Variants in ADGB observed in about 807,000 individuals in gnomAD.
ADGB encodes androglobin, also known as calpain-7-like protein.
In ADGB, 172 loss-of-function variants were observed where a neutral mutation model predicts 210.5. The ratio of observed to expected loss-of-function variants is 0.82; its 90% CI spans 0.72 to 0.93. ADGB has a LOEUF of 0.93. ADGB is among the 40% of genes least tolerant of loss of function. ADGB has a pLI of 0.00. For missense variants in ADGB, 2,025 were observed against 1,964.8 expected, an observed-to-expected ratio of 1.03 and a Z score of -0.58; for synonymous variants, 658 against 662.7, an observed-to-expected ratio of 0.99 and a Z score of 0.11.
intron 13 of ADGB, among the ~76,000 whole-genome samples, chr6:146,709,880 C>G (rs901454667): frequency 2.0e-5 from 3 of 152,082 alleles, no homozygotes; most frequent in African/African-American, 4.8e-5. Context: ...GTTGCTATAA[C>G]CTTTCACCAA....
At chr6:146,740,173 C>T (rs1777143198) in intron 23 of ADGB, among the ~76,000 whole-genome samples, 1 of 152,106 alleles carries the variant, frequency 6.6e-6, no homozygotes, top group African/African-American at 2.4e-5. Flanking sequence ...TTCTGGTTTT[C>T]CCCCTGTAAA....
At chr6:146,810,548 A>G (rs771349882) in intron 35 of ADGB, among the ~76,000 whole-genome samples, 3 of 151,756 alleles carry the variant, frequency 2.0e-5, no homozygotes, top group Non-Finnish European at 4.4e-5. Context: ...GAAACAGCCT[A>G]AGTGTCCATC....
At position 146,788,407 on chromosome 6, in the gene ADGB, G is replaced by A. The variant is rs370500146; in HGVS notation, c.4334G>A (p.Gly1445Asp). The change falls in exon 33 of 36, where the codon GGC becomes GAC. Residue 1445 changes from glycine to aspartate, a missense_variant. By Grantham distance (94) the Gly-to-Asp change is moderately conservative. Transcript: ENST00000397944. Reference protein sequence around the residue: ...PKEEVETAARGVKEPNSKNSA... With the variant: ...PKEEVETAARDVKEPNSKNSA... ...GTTGTAGTAGAAACAGCTGCACGTG[G>A]CGTAAAAGAACCAAACTCAAAGAAT... 13 of 1,551,528 alleles carry A rather than the reference G, an allele frequency of 8.4e-6. No individual in the cohort carries two copies. In the Admixed American group the frequency reaches 2.2e-4, roughly 26 times the overall value.
chr6:146,696,902 T>G (rs539871483), intron 12 of ADGB, among the ~76,000 whole-genome samples: 2 of 152,174 alleles, frequency 1.3e-5, no homozygotes, highest in South Asian at 2.1e-4. Context: ...CTGTCTGTCT[T>G]TACAGATTTG....
chr6:146,767,661 A>C (rs1777596576), intron 28 of ADGB, among the ~76,000 whole-genome samples: 1 of 150,642 alleles, frequency 6.6e-6, no homozygotes, highest in Admixed American at 6.6e-5. Flanking sequence ...TAGTAGACAA[A>C]GGGGTTCTCT....
At chr6:146,809,285 A>C (rs1778264252) in intron 35 of ADGB, among the ~76,000 whole-genome samples, 2 of 152,170 alleles carry the variant, frequency 1.3e-5, no homozygotes. Flanking sequence ...GGCTCAATGC[A>C]AACCTCCGCC....
chr6:146,668,292 A>G (rs1241032986), intron 7 of ADGB, among the ~76,000 whole-genome samples: 1 of 152,072 alleles, frequency 6.6e-6, no homozygotes, highest in Non-Finnish European at 1.5e-5. Context: ...TTGACTGGTA[A>G]TAGGAAGCTG....
At chr6:146,727,123 C>T (rs912410797) in intron 19 of ADGB, among the ~76,000 whole-genome samples, 1 of 151,594 alleles carries the variant, frequency 6.6e-6, no homozygotes, top group Non-Finnish European at 1.5e-5. Context: ...TATTTGCAGA[C>T]AGCCTTCCCA....
chr6:146,713,848 C>G (rs1776693515), intron 13 of ADGB, among the ~76,000 whole-genome samples: 1 of 152,018 alleles, frequency 6.6e-6, no homozygotes, highest in South Asian at 2.1e-4. Context: ...TGAAGCTTCT[C>G]TCTATGTTTT....
intron 30 of ADGB, among the ~76,000 whole-genome samples, chr6:146,783,610 A>G (rs1583637159): frequency 6.6e-6 from 1 of 152,232 alleles, no homozygotes; most frequent in African/African-American, 2.4e-5. Context: ...TCACCAGAAT[A>G]TTAGGGAAAT....
chr6:146,667,996 A>G (rs982509364), intron 7 of ADGB, among the ~76,000 whole-genome samples: 1 of 152,084 alleles, frequency 6.6e-6, no homozygotes, highest in African/African-American at 2.4e-5. Flanking sequence ...CTAGATATAG[A>G]GAAATTGCTT....
In ADGB at chr6:146,785,632, A is replaced by G. The variant is rs907758516; in HGVS notation, c.4235A>G (p.Tyr1412Cys). 1.3e-6 allele frequency: 2 copies of G among 1,551,120 alleles called. No individual in the cohort carries two copies. The highest frequency in any genetic ancestry group is 8.7e-7 in the Non-Finnish European group (1 of 1,146,572). The change falls in exon 32 of 36, where the codon TAC becomes TGC. Residue 1412 changes from tyrosine to cysteine, a missense_variant. Coordinates refer to ENST00000397944, the MANE Select transcript of ADGB (RefSeq NM_024694.4). The stretch of plus-strand genomic sequence containing the variant: ...TAGGCTTCTCAGGCTCGTTTGCATT[A>G]CCTTAGCGGGTTCATTAAGAAAACA... ...AIKASQARLH[Y>C]LSGFIKKTSD...
chr6:146,722,445 G>C (rs2114573188), intron 17 of ADGB, among the ~76,000 whole-genome samples: 1 of 152,124 alleles, frequency 6.6e-6, no homozygotes, highest in East Asian at 1.9e-4. Flanking sequence ...CTTCACTATT[G>C]GTTAAACTTG....
chr6:146,738,639 G>A lies in ADGB; in HGVS notation c.2889-1820G>A, dbSNP rs377038648. Among the ~76,000 whole-genome samples the A allele has an allele frequency of 2.8e-3, 432 of 151,706 alleles. 4 individuals are homozygous for A. Among genetic ancestry groups the A allele is most frequent in the African/African-American group, 0.01 (417 of 41,388 alleles). Reference sequence around the variant, plus strand: ...AATTTTTTGTATTTTTAGTAAAGACGGGGTTTCACCGTGTTAGCCAGGATG... The same window carrying A: ...AATTTTTTGTATTTTTAGTAAAGACAGGGTTTCACCGTGTTAGCCAGGATG... On this transcript the variant is annotated intron_variant, in intron 23 of 35. Transcript: ENST00000397944.
At chr6:146,630,746 T>C (rs1012009874) in intron 1 of ADGB, among the ~76,000 whole-genome samples, 2 of 152,142 alleles carry the variant, frequency 1.3e-5, no homozygotes, top group Admixed American at 6.6e-5. Context: ...TAGGTGAAAA[T>C]ACGGCTTTCC....
chr6:146,740,639 A>G (rs780805238), intron 24 of ADGB, 46 bp downstream of exon 24: 81 of 1,525,962 alleles, frequency 5.3e-5, no homozygotes, highest in Non-Finnish European at 6.4e-5. Context: ...ATGGCTTGCA[A>G]TATCTGTATT....
chr6:146,796,430 G>A (rs957654691), intron 33 of ADGB, among the ~76,000 whole-genome samples: 2 of 152,018 alleles, frequency 1.3e-5, no homozygotes, highest in Admixed American at 1.3e-4. Flanking sequence ...TAAGCAAAAA[G>A]AAATCTGGAG....
intron 33 of ADGB, among the ~76,000 whole-genome samples, chr6:146,800,725 C>A (rs1778116408): frequency 6.6e-6 from 1 of 152,076 alleles, no homozygotes; most frequent in Non-Finnish European, 1.5e-5. Context: ...AGGTAAAATA[C>A]TGTTTTCAGT....
At chr6:146,693,725 T>G (rs1002733219) in intron 12 of ADGB, among the ~76,000 whole-genome samples, 5 of 152,154 alleles carry the variant, frequency 3.3e-5, no homozygotes, top group African/African-American at 1.2e-4. Context: ...CATTTTACTA[T>G]AAGGAGTCAA....
Sources: gnomAD v4.1 joint callset for allele counts (sites outside exome capture counted in the v4.1 genomes callset) on GRCh38, gnomAD v4.1.1 for gene constraint, MANE v1.5 for transcripts, NCBI Gene and HGNC (gene_info 2026-07-23, HGNC 2026-07-21) for gene names.